Variants in PPP2R2C observed in about 807,000 individuals in gnomAD.
PPP2R2C encodes the protein protein phosphatase 2 regulatory subunit Bgamma.
PPP2R2C carries 10 observed loss-of-function variants against 45.3 expected under a neutral mutation model. That is an observed-to-expected ratio of 0.22 (90% CI 0.14 to 0.37). PPP2R2C has a LOEUF of 0.37. PPP2R2C is among the 10% of genes least tolerant of loss of function. The pLI is 1.00. For synonymous variants in PPP2R2C, 257 were observed against 245.4 expected (o/e 1.05, Z -0.44); for missense variants, 308 against 619.7 (o/e 0.50, Z 5.34).
chr4:6,402,582 C>T (rs991094999), intron 1 of PPP2R2C, among the ~76,000 whole-genome samples: 1 of 152,180 alleles, frequency 6.6e-6, no homozygotes, highest in African/African-American at 2.4e-5. Flanking sequence ...CGCGCTAGGC[C>T]AGGAGTAGGT....
chr4:6,382,235 C>A (rs1299514753), intron 1 of PPP2R2C: 1 of 1,210,878 alleles, frequency 8.3e-7, no homozygotes, highest in Admixed American at 3.2e-5. Flanking sequence ...TAGTAGGAGC[C>A]CGGGATGGCC....
intron 1 of PPP2R2C, 120 bp from the exon 2 acceptor site, chr4:6,381,214 G>A (rs1715767420): frequency 6.5e-7 from 1 of 1,541,198 alleles, no homozygotes; most frequent in Admixed American, 2.0e-5. Flanking sequence ...GCCCTGGGCA[G>A]GAGGCAGCAG....
intron 1 of PPP2R2C, among the ~76,000 whole-genome samples, chr4:6,452,244 G>A (rs936064114): frequency 1.3e-5 from 2 of 152,168 alleles, no homozygotes; most frequent in Non-Finnish European, 2.9e-5. Flanking sequence ...TCCCTTCAGG[G>A]TGACACCGCA....
intron 5 of PPP2R2C, among the ~76,000 whole-genome samples, chr4:6,351,903 C>T (rs1374922575): frequency 1.3e-5 from 2 of 152,174 alleles, no homozygotes; most frequent in African/African-American, 2.4e-5. Context: ...AGGACCTACC[C>T]GGGCCTGCAG....
intron 7 of PPP2R2C, among the ~76,000 whole-genome samples, chr4:6,333,295 C>A (rs1176590422): frequency 6.6e-6 from 1 of 152,244 alleles, no homozygotes; most frequent in East Asian, 1.9e-4. Flanking sequence ...TCCCACATCT[C>A]TTTCCTCCCT....
chr4:6,373,244 G>A (rs187951883), intron 4 of PPP2R2C, among the ~76,000 whole-genome samples: 1 of 152,222 alleles, frequency 6.6e-6, no homozygotes, highest in African/African-American at 2.4e-5. Flanking sequence ...GATGGGGATG[G>A]AAGGATCCTG....
intron 1 of PPP2R2C, among the ~76,000 whole-genome samples, chr4:6,537,001 G>A (rs531668503): frequency 1.4e-4 from 22 of 152,114 alleles, no homozygotes; most frequent in Non-Finnish European, 2.4e-4. Flanking sequence ...TCAGGAGTTC[G>A]AGACCAGCCT....
chr4:6,384,243 T>A, intron 1 of PPP2R2C: 1 of 985,434 alleles, frequency 1.0e-6, no homozygotes, highest in Non-Finnish European at 1.2e-6. Flanking sequence ...CTATTTCATA[T>A]TAAAACCCCC....
intron 2 of PPP2R2C, among the ~76,000 whole-genome samples, chr4:6,525,394 G>A (rs536069178): frequency 2.4e-4 from 36 of 151,082 alleles, no homozygotes; most frequent in African/African-American, 8.0e-4. Flanking sequence ...GACAGAGTGC[G>A]ACCCCATCTC....
chr4:6,453,168 C>T (rs1283343499), intron 1 of PPP2R2C, among the ~76,000 whole-genome samples: 1 of 152,154 alleles, frequency 6.6e-6, no homozygotes, highest in Admixed American at 6.5e-5. Context: ...GAAGGGACCC[C>T]CCCACAGAGG....
chr4:6,372,512 G>T lies in PPP2R2C; in HGVS notation c.625+11C>A. On this transcript the variant is annotated intron_variant, in intron 5 of 8. Transcript: ENST00000382599. ...CGTGGGAGGCACTGGCCAGGCCACA[G>T]TGAAGGATACTGAAGCTCCTGTCGG... The T allele has an allele frequency of 1.2e-6, 2 of 1,613,260 alleles. No homozygotes were observed. Among genetic ancestry groups the T allele is most frequent in the Non-Finnish European group, 1.7e-6 (2 of 1,179,326 alleles).
At chr4:6,445,834 T>G (rs1720389216) in intron 1 of PPP2R2C, among the ~76,000 whole-genome samples, 1 of 152,240 alleles carries the variant, frequency 6.6e-6, no homozygotes, top group South Asian at 2.1e-4. Context: ...ACCAACATGA[T>G]GTTCTAAGGG....
At chr4:6,420,114 C>T (rs994747569) in intron 1 of PPP2R2C, among the ~76,000 whole-genome samples, 14 of 152,068 alleles carry the variant, frequency 9.2e-5, no homozygotes, top group Admixed American at 2.6e-4. Context: ...GACACTTCTG[C>T]GTGTGTGTGC....
At chr4:6,341,836 C>T (rs1577083130) in intron 6 of PPP2R2C, among the ~76,000 whole-genome samples, 1 of 152,086 alleles carries the variant, frequency 6.6e-6, no homozygotes, top group East Asian at 1.9e-4. Context: ...AACAGCCCCA[C>T]CCTGCAGCCT....
chr4:6,427,081 A>G (rs1160470274), intron 1 of PPP2R2C, among the ~76,000 whole-genome samples: 1 of 152,224 alleles, frequency 6.6e-6, no homozygotes, highest in Non-Finnish European at 1.5e-5. Flanking sequence ...TGGCAACGCC[A>G]TGTGCCAATG....
chr4:6,512,932 A>G (rs1406299475), intron 2 of PPP2R2C, among the ~76,000 whole-genome samples: 1 of 152,130 alleles, frequency 6.6e-6, no homozygotes, highest in Non-Finnish European at 1.5e-5. Flanking sequence ...CCACACATTT[A>G]AAATGCTGAT....
At chr4:6,498,070 G>A (rs1722929209) in intron 2 of PPP2R2C, among the ~76,000 whole-genome samples, 1 of 152,174 alleles carries the variant, frequency 6.6e-6, no homozygotes, top group South Asian at 2.1e-4. Flanking sequence ...TTTCTCTCCA[G>A]TAAACACCCT....
At chr4:6,415,287 T>C (rs1330132832) in intron 1 of PPP2R2C, among the ~76,000 whole-genome samples, 2 of 152,208 alleles carry the variant, frequency 1.3e-5, no homozygotes, top group Non-Finnish European at 2.9e-5. Context: ...CATCCCAAGG[T>C]CAGACCACCG....
chr4:6,547,405 T>G (rs1255646437), intron 1 of PPP2R2C, among the ~76,000 whole-genome samples: 2 of 151,836 alleles, frequency 1.3e-5, no homozygotes, highest in African/African-American at 4.8e-5. Flanking sequence ...ACCAAGGAAA[T>G]AGCAGATTCT....
Sources: allele counts gnomAD v4.1 joint callset (sites outside exome capture counted in the v4.1 genomes callset), GRCh38; gene constraint gnomAD v4.1.1; transcripts MANE v1.5; gene names NCBI Gene and HGNC (gene_info 2026-07-23, HGNC 2026-07-21).